The following RBP7 variants were observed in gnomAD, a reference collection of about 807,000 sequenced individuals.
RBP7 encodes retinoid-binding protein 7.
In RBP7, 13 loss-of-function variants were observed where a neutral mutation model predicts 16.7. That is an observed-to-expected ratio of 0.78 (90% confidence interval 0.51 to 1.24). The LOEUF (loss-of-function observed/expected upper bound fraction) is 1.24, where lower values mean the gene tolerates loss of function less well. Among genes scored for constraint, RBP7 ranks in the 50% most tolerant of loss-of-function variants. The pLI, the probability that RBP7 is intolerant of heterozygous loss-of-function variation, is 0.00. For missense variants in RBP7, 145 were observed against 159.5 expected (o/e 0.91, Z 0.49); for synonymous variants, 54 against 56.2 (o/e 0.96, Z 0.17).
In RBP7 at chr1:9,997,271, C is replaced by G. The variant is rs756852294; in HGVS notation, c.13C>G (p.Leu5Val). 5 of 1,610,374 alleles carry G rather than the reference C, an allele frequency of 3.1e-6. No homozygotes were observed. Among genetic ancestry groups the G allele is most frequent in the Non-Finnish European group, 4.2e-6 (5 of 1,178,874 alleles). ...GCGATCCCCGACCATGCCCGCCGACCTCAGCGGTACTTGGACCCTGCTCAG... is the reference window on the plus strand; with the variant it reads ...GCGATCCCCGACCATGCCCGCCGACGTCAGCGGTACTTGGACCCTGCTCAG... MPADLSGTWTLLSSD... is the reference protein window; with the variant it reads MPADVSGTWTLLSSD... The change falls in exon 1 of 4, where the codon CTC becomes GTC. Residue 5 changes from leucine (L) to valine (V), a missense_variant. Leu to Val is a conservative substitution (Grantham distance 32, BLOSUM62 1). Transcript: ENST00000294435. This position sits in a 1 kb window ranked among gnomAD's most constrained non-coding sequence, Gnocchi z 5.9.
chr1:10,004,501 G>GC (rs1447790262), intron 1 of RBP7, among the ~76,000 whole-genome samples: 6 of 151,398 alleles, frequency 4.0e-5, no homozygotes, highest in African/African-American at 1.5e-4. Context: ...TCAGCCTCTG[G>GC]AGTAGCTGGG....
At chr1:10,011,365 G>T (rs1241943371) in intron 3 of RBP7, among the ~76,000 whole-genome samples, 1 of 152,084 alleles carries the variant, frequency 6.6e-6, no homozygotes, top group Non-Finnish European at 1.5e-5. Context: ...GTGCCCTTTA[G>T]TTTTTTACAA....
At chr1:10,012,141 G>A (rs1344220033) in intron 3 of RBP7, among the ~76,000 whole-genome samples, 2 of 150,982 alleles carry the variant, frequency 1.3e-5, no homozygotes, top group African/African-American at 4.9e-5. Context: ...AACCTGGGAG[G>A]AGGAGGTTAC....
At position 10,014,379 on chromosome 1, in the gene RBP7, CTTTCTTT is replaced by C. The variant is rs1179511357; in HGVS notation, c.355-1392_355-1386del. On this transcript the variant is annotated intron_variant, in intron 3 of 3. Transcript: ENST00000294435. The stretch of plus-strand genomic sequence containing the variant: ...CAGGCTGTTTCTTTTCTTTTCTTTT[CTTTCTTT>C]TTTCTTTTTTTTTTTTTGAGATGGA... Among the ~76,000 whole-genome samples the C allele has an allele frequency of 5.4e-4, 81 of 150,822 alleles. 1 individual carries two copies. The highest frequency in any genetic ancestry group is 1.7e-3 in the African/African-American group (70 of 41,084).
At chr1:10,011,029 A>G (rs184470756) in intron 3 of RBP7, among the ~76,000 whole-genome samples, 3 of 152,148 alleles carry the variant, frequency 2.0e-5, no homozygotes, top group Non-Finnish European at 2.9e-5. Context: ...CGACAGACAG[A>G]AAACAAAGAA....
chr1:10,000,241 T>C (rs1642239207), intron 1 of RBP7, among the ~76,000 whole-genome samples: 1 of 147,802 alleles, frequency 6.8e-6, no homozygotes, highest in East Asian at 2.0e-4. Flanking sequence ...AAAAAATAAT[T>C]AAGCTAGCAG....
chr1:10,006,672 G>A (rs976729401), intron 1 of RBP7, among the ~76,000 whole-genome samples: 2 of 150,714 alleles, frequency 1.3e-5, no homozygotes, highest in African/African-American at 2.4e-5. Context: ...CCCAACCTGG[G>A]CGACAGAGTG....
intron 1 of RBP7, among the ~76,000 whole-genome samples, chr1:9,999,524 G>T (rs1642228928): frequency 6.6e-6 from 1 of 152,054 alleles, no homozygotes; most frequent in Non-Finnish European, 1.5e-5. Flanking sequence ...TTGCACTCCA[G>T]CCTGGGCAAC....
At chr1:10,004,887 G>C (rs1246779753) in intron 1 of RBP7, among the ~76,000 whole-genome samples, 1 of 152,102 alleles carries the variant, frequency 6.6e-6, no homozygotes, top group Non-Finnish European at 1.5e-5. Context: ...CAGCTACTTG[G>C]GAGGCTGAGG....
intron 1 of RBP7, among the ~76,000 whole-genome samples, chr1:10,003,678 C>G (rs571513597): frequency 1.6e-4 from 25 of 152,326 alleles, no homozygotes; most frequent in Admixed American, 1.4e-3. Flanking sequence ...GGCTAATCCC[C>G]GCTCTGGGGC....
At chr1:10,005,117 G>T (rs1488831686) in intron 1 of RBP7, among the ~76,000 whole-genome samples, 1 of 152,162 alleles carries the variant, frequency 6.6e-6, no homozygotes, top group Non-Finnish European at 1.5e-5. Context: ...TGGAGTTCTA[G>T]ATTTAAACAC....
chr1:10,013,316 A>AC (rs1396459738), intron 3 of RBP7, among the ~76,000 whole-genome samples: 4 of 151,332 alleles, frequency 2.6e-5, no homozygotes, highest in African/African-American at 9.7e-5. Context: ...CAGGTGATCC[A>AC]CCCCCCTCAG....
chr1:9,999,359 C>T (rs1353481531), intron 1 of RBP7, among the ~76,000 whole-genome samples: 1 of 152,000 alleles, frequency 6.6e-6, no homozygotes, highest in East Asian at 1.9e-4. Context: ...CCAGCCTGGC[C>T]AACATGGTGA....
chr1:10,014,208 G>A (rs1424497613), intron 3 of RBP7, among the ~76,000 whole-genome samples: 1 of 151,958 alleles, frequency 6.6e-6, no homozygotes, highest in Non-Finnish European at 1.5e-5. Context: ...ATGCCTATGT[G>A]CTGAAACATC....
At chr1:10,003,392 C>T (rs1353801595) in intron 1 of RBP7, among the ~76,000 whole-genome samples, 1 of 152,138 alleles carries the variant, frequency 6.6e-6, no homozygotes, top group Non-Finnish European at 1.5e-5. Context: ...GCTGCCATTG[C>T]ACTCCAGCCT....
intron 2 of RBP7, 114 bp downstream of exon 2, chr1:10,007,862 C>T: frequency 2.2e-6 from 2 of 915,804 alleles, no homozygotes; most frequent in Non-Finnish European, 3.3e-6. Flanking sequence ...GCCTGGGCAA[C>T]ACGGCAAAAC....
chr1:10,002,506 T>C (rs1192581584), intron 1 of RBP7, among the ~76,000 whole-genome samples: 1 of 151,774 alleles, frequency 6.6e-6, no homozygotes, highest in African/African-American at 2.4e-5. Flanking sequence ...TTTTATTTTA[T>C]TTTTATTTTT....
intron 3 of RBP7, among the ~76,000 whole-genome samples, chr1:10,014,968 T>G (rs939980343): frequency 2.0e-5 from 3 of 152,122 alleles, no homozygotes; most frequent in African/African-American, 7.2e-5. Context: ...ACTTGGTTGG[T>G]GTCAGAGAGT....
chr1:9,998,407 CTTTTT>C (rs772810621), intron 1 of RBP7, among the ~76,000 whole-genome samples: 7 of 121,570 alleles, frequency 5.8e-5, no homozygotes, highest in African/African-American at 2.0e-4. Flanking sequence ...TTCTTTCTTT[CTTTTT>C]TTTTTTTTTT....
Sources: allele counts gnomAD v4.1 joint callset (sites outside exome capture counted in the v4.1 genomes callset), GRCh38; gene constraint gnomAD v4.1.1; non-coding constraint Gnocchi (gnomAD v3.1); transcripts MANE v1.5; gene names NCBI Gene and HGNC (gene_info 2026-07-23, HGNC 2026-07-21).